FAM3B: variants seen among roughly 807,000 people sequenced by gnomAD.
The protein encoded by FAM3B is FAM3 metabolism regulating signaling molecule B.
Under a neutral mutation model 28.4 loss-of-function variants are expected in FAM3B, and 29 were observed. The observed-to-expected ratio is 1.02, with a 90% CI of 0.76 to 1.39. FAM3B has a LOEUF of 1.39. Ranked by LOEUF, FAM3B falls within the 40% of genes most tolerant of loss-of-function variation. The pLI is 0.00. For missense variants in FAM3B, 266 were observed against 293.9 expected (o/e 0.91, Z 0.69); for synonymous variants, 91 against 103.0 (o/e 0.88, Z 0.71).
At chr21:41,348,811 C>T (rs1468840904) in intron 7 of FAM3B, 87 bp downstream of exon 7, 3 of 1,423,936 alleles carry the variant, frequency 2.1e-6, no homozygotes, top group South Asian at 1.2e-5. Context: ...GTTATAACTC[C>T]GTCTCCAAAC....
intron 2 of FAM3B, among the ~76,000 whole-genome samples, chr21:41,327,387 C>T (rs2088863131): frequency 1.3e-5 from 2 of 152,158 alleles, no homozygotes; most frequent in South Asian, 4.1e-4. Flanking sequence ...GGCTTATTGA[C>T]CAGAACGTGT....
At chr21:41,308,402 C>T (rs2088692608) in intron 1 of FAM3B, among the ~76,000 whole-genome samples, 1 of 152,240 alleles carries the variant, frequency 6.6e-6, no homozygotes, top group African/African-American at 2.4e-5. Context: ...GCTCACCCAA[C>T]TTCCATGCTC....
Position 41,357,456 on chromosome 21 carries a change from A to G in FAM3B, c.*259A>G, listed in dbSNP as rs1292210542. On this transcript the variant is annotated 3_prime_UTR_variant, in exon 8 of 8. Transcript: ENST00000357985. ...AGGGAATGATGTGATTCAAGCTGGA[A>G]AGAGGGTTGGGAGAAACAGCTTGTC... 3.3e-6 allele frequency: 1 copy of G among 301,944 alleles called. No individual in the cohort carries two copies. The highest frequency in any genetic ancestry group is 6.3e-6 in the Non-Finnish European group (1 of 158,392). 18.7% of individuals were successfully genotyped at this position (301,944 alleles called of 1,614,324 possible).
chr21:41,349,407 G>C (rs921911416), intron 7 of FAM3B, among the ~76,000 whole-genome samples: 1 of 152,138 alleles, frequency 6.6e-6, no homozygotes. Flanking sequence ...TGCAGTAACC[G>C]GTGCAGAAGA....
intron 1 of FAM3B, among the ~76,000 whole-genome samples, chr21:41,307,411 C>CT (rs1490010689): frequency 6.6e-6 from 1 of 152,228 alleles, no homozygotes; most frequent in East Asian, 1.9e-4. Context: ...GGCTATTTCA[C>CT]TTTCTTATCA....
chr21:41,316,799 G>T, upstream of FAM3B: 1 of 1,372,080 alleles, frequency 7.3e-7, no homozygotes, highest in Non-Finnish European at 9.5e-7. Context: ...CCCGCCCCTT[G>T]CCTTCCTGAC....
chr21:41,332,464 G>T (rs1209410867), intron 2 of FAM3B, among the ~76,000 whole-genome samples: 1 of 152,156 alleles, frequency 6.6e-6, no homozygotes, highest in Non-Finnish European at 1.5e-5. Flanking sequence ...GTTCATCCGG[G>T]ATATTGACCT....
chr21:41,343,895 A>G (rs969828276), intron 3 of FAM3B, among the ~76,000 whole-genome samples: 1 of 152,222 alleles, frequency 6.6e-6, no homozygotes, highest in Admixed American at 6.5e-5. Flanking sequence ...AGGCGGGCAG[A>G]TCACTGGAGC....
rs539148884 is a variant in FAM3B at position 41,357,656 on chromosome 21, C to T, written c.*459C>T. On this transcript the variant is annotated 3_prime_UTR_variant, in exon 8 of 8. Coordinates refer to ENST00000357985, the MANE Select transcript of FAM3B (RefSeq NM_058186.4). ...AGGGGGCTTATGTTATGTCCTTGTT[C>T]AACTCAACTTGAGCTCTTGAACTCC... is the stretch of plus-strand genomic sequence containing the variant. Among the ~76,000 whole-genome samples, 2 of 152,300 alleles carry T rather than the reference C, an allele frequency of 1.3e-5. No individual in the cohort carries two copies. Among genetic ancestry groups the T allele is most frequent in the South Asian group, 4.1e-4 (2 of 4,828 alleles).
chr21:41,321,064 G>A (rs2088799283), intron 1 of FAM3B: 1 of 152,196 alleles, frequency 6.6e-6, no homozygotes, highest in Admixed American at 6.6e-5. Flanking sequence ...GTCTAGAAGA[G>A]CCCCTGAACA....
chr21:41,306,321 C>T (rs1013656902), intron 1 of FAM3B, among the ~76,000 whole-genome samples: 2 of 152,204 alleles, frequency 1.3e-5, no homozygotes, highest in African/African-American at 2.4e-5. Context: ...ATTTTGACCT[C>T]CTCCCATGAA....
rs186466554 is a variant in FAM3B at position 41,322,244 on chromosome 21, C to T, written c.20-679C>T. 3.2e-3 allele frequency among the ~76,000 whole-genome samples: 485 copies of T among 152,286 alleles called. 6 individuals carry two copies. The highest frequency in any genetic ancestry group is 4.0e-3 in the Non-Finnish European group (271 of 68,028). On this transcript the variant is annotated intron_variant, in intron 1 of 7. Coordinates refer to ENST00000357985, the MANE Select transcript of FAM3B (RefSeq NM_058186.4). ...AGATCAATGCCTTTTCCTTGGAAAT[C>T]GTGCCACTCATGTCAAACAAGAGAA...
At chr21:41,337,505 A>C (rs900460172) in intron 2 of FAM3B, among the ~76,000 whole-genome samples, 1 of 152,188 alleles carries the variant, frequency 6.6e-6, no homozygotes, top group Non-Finnish European at 1.5e-5. Flanking sequence ...GCTAGGAGAG[A>C]TATCTCCAGG....
intron 7 of FAM3B, among the ~76,000 whole-genome samples, chr21:41,349,175 A>G (rs2089091671): frequency 6.6e-6 from 1 of 152,204 alleles, no homozygotes; most frequent in African/African-American, 2.4e-5. Flanking sequence ...CACGTGATTG[A>G]TTCTAAGTCC....
chr21:41,340,298 C>T (rs747787749), intron 3 of FAM3B, among the ~76,000 whole-genome samples: 2 of 151,932 alleles, frequency 1.3e-5, no homozygotes, highest in Non-Finnish European at 2.9e-5. Flanking sequence ...AGGCTACAGG[C>T]GCACACCACC....
chr21:41,329,156 G>T (rs1006079125), intron 2 of FAM3B, among the ~76,000 whole-genome samples: 2 of 152,122 alleles, frequency 1.3e-5, no homozygotes, highest in Admixed American at 6.5e-5. Flanking sequence ...GGTGATTTTC[G>T]TGTATACAAT....
intron 1 of FAM3B, among the ~76,000 whole-genome samples, chr21:41,319,208 G>A (rs1012092448): frequency 6.6e-6 from 1 of 152,140 alleles, no homozygotes; most frequent in Admixed American, 6.6e-5. Flanking sequence ...TGGCTCTTAA[G>A]TGAAGCAGCC....
rs769946250 is a variant in FAM3B at position 41,322,675 on chromosome 21, C to T, written c.20-248C>T. 12 of 721,490 alleles carry T rather than the reference C, an allele frequency of 1.7e-5. No individual in the cohort carries two copies. The African/African-American group carries it at 2.1e-4, about 13-fold the overall frequency. 44.7% of individuals were successfully genotyped at this position (721,490 alleles called of 1,614,324 possible). ...GGACGTTTGTTGGTTAAGTTAAGAC[C>T]TAAACCAACAGCAAATACAACTTGC... On this transcript the variant is annotated intron_variant, in intron 1 of 7. Coordinates refer to ENST00000357985, the MANE Select transcript of FAM3B (RefSeq NM_058186.4).
At chr21:41,315,258 T>G (rs1663174195), upstream of FAM3B, among the ~76,000 whole-genome samples, 1 of 152,072 alleles carries the variant, frequency 6.6e-6, no homozygotes, top group Admixed American at 6.6e-5. Flanking sequence ...AAAAGCAGAA[T>G]GGTGGTTTCC....
Sources: gnomAD v4.1 joint callset for allele counts (sites outside exome capture counted in the v4.1 genomes callset) on GRCh38, gnomAD v4.1.1 for gene constraint, MANE v1.5 for transcripts, NCBI Gene and HGNC (gene_info 2026-07-23, HGNC 2026-07-21) for gene names.